MCUR1: variants seen among roughly 807,000 people sequenced by gnomAD.
The protein encoded by MCUR1 is mitochondrial calcium uniporter regulator 1, also known as MCU regulator 1.
MCUR1 carries 37 observed loss-of-function variants against 42.0 expected under a neutral mutation model. The ratio of observed to expected loss-of-function variants is 0.88; its 90% CI spans 0.68 to 1.16. The LOEUF (loss-of-function observed/expected upper bound fraction) is 1.16. Ranked by LOEUF, MCUR1 falls within the 50% of genes most tolerant of loss-of-function variation. The pLI is 0.00. For synonymous variants in MCUR1, 229 were observed against 196.2 expected, an observed-to-expected ratio of 1.17 and a Z score of -1.40; for missense variants, 469 against 468.4, an observed-to-expected ratio of 1.00 and a Z score of -0.01.
rs1488149826 is a variant in MCUR1 at position 13,814,402 on chromosome 6, T to C, written c.28A>G (p.Arg10Gly). Reference sequence around the variant, plus strand: ...TGGCGGCCGGGCAGGCGCTGGGTCCTCTGGCCGCCGACCGAGCCGCAGTCC... The same window carrying C: ...TGGCGGCCGGGCAGGCGCTGGGTCCCCTGGCCGCCGACCGAGCCGCAGTCC... Reference protein sequence around the residue: MDCGSVGGQRTQRLPGRQRL... With the variant: MDCGSVGGQGTQRLPGRQRL... Residue 10 changes from arginine to glycine, a missense_variant, in exon 1 of 9, where the codon AGG (arginine) becomes GGG (glycine). By Grantham distance (125) the Arg-to-Gly change is moderately radical (BLOSUM62 -2). Coordinates refer to ENST00000379170, the MANE Select transcript of MCUR1 (RefSeq NM_001031713.4). 7.8e-6 allele frequency: 12 copies of C among 1,538,238 alleles called. No individual in the cohort carries two copies. The highest frequency in any genetic ancestry group is 1.0e-5 in the Non-Finnish European group (12 of 1,152,994).
At chr6:13,800,690 A>C (rs1234745910) in intron 4 of MCUR1, among the ~76,000 whole-genome samples, 4 of 152,226 alleles carry the variant, frequency 2.6e-5, no homozygotes, top group Non-Finnish European at 5.9e-5. Context: ...TTTCAAGAAC[A>C]ACCTAGAGAG....
chr6:13,791,031 C>G (rs1488353195), intron 8 of MCUR1, among the ~76,000 whole-genome samples, 167 bp from the exon 9 acceptor site: 2 of 152,102 alleles, frequency 1.3e-5, no homozygotes, highest in African/African-American at 2.4e-5. Context: ...ATCCCACACC[C>G]TTTATTTTAT....
intron 8 of MCUR1, among the ~76,000 whole-genome samples, chr6:13,791,508 T>TA (rs1759727696): frequency 6.6e-6 from 1 of 152,178 alleles, no homozygotes; most frequent in South Asian, 2.1e-4. Context: ...AATAACTCCT[T>TA]AAAAGGAGTT....
Position 13,801,344 on chromosome 6 carries a change from T to C in MCUR1, c.685A>G (p.Lys229Glu), listed in dbSNP as rs1759984389. 1 of 1,613,124 alleles carries C rather than the reference T, an allele frequency of 6.2e-7. No individual in the cohort carries two copies. Among genetic ancestry groups the C allele is most frequent in the East Asian group, 2.2e-5 (1 of 44,860 alleles). The change falls in exon 4 of 9, where the codon AAG (lysine) becomes GAG (glutamate). Residue 229 changes from lysine to glutamate, a missense_variant. By Grantham distance (56) the Lys-to-Glu change is moderately conservative (BLOSUM62 1). Transcript: ENST00000379170. The stretch of plus-strand genomic sequence containing the variant: ...CTCTTCTCCAAAATAATCATATCCT[T>C]TTTCACATTCGCAATCTGAGACATT... ...QVMSQIANVK[K>E]DMIILEKSEF... is the part of the protein sequence containing the mutation.
chr6:13,812,088 A>T (rs1760248604), intron 1 of MCUR1, among the ~76,000 whole-genome samples: 2 of 152,160 alleles, frequency 1.3e-5, no homozygotes, highest in Admixed American at 6.6e-5. Flanking sequence ...AAGCGAGCCA[A>T]CTGAGCTGTG....
chr6:13,791,894 A>G lies in MCUR1; in HGVS notation c.1008T>C (p.Asn336=), dbSNP rs995029707. 6.2e-7 allele frequency: 1 copy of G among 1,612,028 alleles called. No homozygotes were observed. The highest frequency in any genetic ancestry group is 1.7e-4 in the Middle Eastern group (1 of 6,058). The change falls in exon 8 of 9, where the codon AAT becomes AAC. Residue 336 remains asparagine, a synonymous_variant. Transcript: ENST00000379170. ...ATAGCTTACCTGCTAAATATTTAAT[A>G]TTATCAAGCTTGTGTGACTCAAGCA... The part of the protein sequence containing the change: ...KTMLESHKLD[N]IKYLAGSIFT...
At chr6:13,811,593 G>C (rs889783514) in intron 1 of MCUR1, among the ~76,000 whole-genome samples, 2 of 152,066 alleles carry the variant, frequency 1.3e-5, no homozygotes, top group African/African-American at 2.4e-5. Flanking sequence ...GGGAGTGAAG[G>C]AATGAAAGCA....
intron 2 of MCUR1, chr6:13,804,075 C>G (rs1156632908): frequency 1.2e-6 from 1 of 867,822 alleles, no homozygotes; most frequent in African/African-American, 1.8e-5. Flanking sequence ...AATCCCAGCA[C>G]TTTAGGAGGC....
At chr6:13,803,837 A>G (rs921278173) in intron 2 of MCUR1, 1 of 985,228 alleles carries the variant, frequency 1.0e-6, no homozygotes, top group Non-Finnish European at 1.2e-6. Flanking sequence ...AAGTTTTATT[A>G]AGAAGAGTTC....
chr6:13,794,000 CCTT>C, intron 6 of MCUR1, 53 bp from the exon 7 acceptor site: 1 of 1,536,190 alleles, frequency 6.5e-7, no homozygotes, highest in Non-Finnish European at 9.0e-7. Context: ...TCTCTCTTCT[CCTT>C]CTCTGGTGCC....
Position 13,807,030 on chromosome 6 carries a change from C to G in MCUR1, c.430G>C (p.Ala144Pro). 6.2e-7 allele frequency: 1 copy of G among 1,611,998 alleles called. No individual in the cohort carries two copies. Among genetic ancestry groups the G allele is most frequent in the Non-Finnish European group, 8.5e-7 (1 of 1,178,764 alleles). The change falls in exon 2 of 9, where the codon GCT (alanine) becomes CCT (proline). Residue 144 changes from alanine (A) to proline (P), a missense_variant. Transcript: ENST00000379170. ...TTGCGCTCCAGCTGCAGGGATCCAGCAGACAAGCTTAGCTCTAGGGTGGAA... is the reference window on the plus strand; with the variant it reads ...TTGCGCTCCAGCTGCAGGGATCCAGGAGACAAGCTTAGCTCTAGGGTGGAA... ...VSCRRELSLS[A>P]GSLQLERKRR...
chr6:13,800,229 A>G, intron 5 of MCUR1, 112 bp downstream of exon 5: 1 of 732,912 alleles, frequency 1.4e-6, no homozygotes, highest in South Asian at 1.9e-5. Context: ...GGCATATTAC[A>G]CAAACATTTC....
At chr6:13,796,208 A>G (rs1561730498) in intron 6 of MCUR1, among the ~76,000 whole-genome samples, 1 of 152,132 alleles carries the variant, frequency 6.6e-6, no homozygotes, top group Non-Finnish European at 1.5e-5. Flanking sequence ...TTATAAGAAC[A>G]CTGAATGAAT....
At position 13,790,756 on chromosome 6, in the gene MCUR1, A is replaced by T; in HGVS notation, c.*53T>A. The T allele has an allele frequency of 2.1e-6, 3 of 1,459,090 alleles. No individual in the cohort carries two copies. Among genetic ancestry groups the T allele is most frequent in the Non-Finnish European group, 2.9e-6 (3 of 1,048,094 alleles). 90.4% of individuals were successfully genotyped at this position (1,459,090 alleles called of 1,614,324 possible). On this transcript the variant is annotated 3_prime_UTR_variant, in exon 9 of 9. Coordinates refer to ENST00000379170, the MANE Select transcript of MCUR1 (RefSeq NM_001031713.4). ...GTGTGAGCCACCGCACCCAGCCAAC[A>T]ATCTGGTATTCTTAAGGCAAAACAG...
At chr6:13,807,470 G>A (rs747050330) in intron 1 of MCUR1, among the ~76,000 whole-genome samples, 7 of 152,150 alleles carry the variant, frequency 4.6e-5, no homozygotes, top group East Asian at 1.9e-4. Flanking sequence ...AGGGTCATCC[G>A]TGTTGTAGCA....
intron 2 of MCUR1, chr6:13,803,871 G>A (rs1397847770): frequency 9.1e-6 from 9 of 984,942 alleles, no homozygotes; most frequent in Admixed American, 6.2e-5. Context: ...GGTGGCTCAC[G>A]CCTGTAATCC....
chr6:13,803,013 AG>A (rs1473067922), intron 2 of MCUR1, among the ~76,000 whole-genome samples: 9 of 152,212 alleles, frequency 5.9e-5, no homozygotes, highest in African/African-American at 1.9e-4. Flanking sequence ...GTTCTTTGGT[AG>A]TCAATAAATG....
chr6:13,807,139 G>C, intron 1 of MCUR1, 95 bp from the exon 2 acceptor site: 1 of 1,349,430 alleles, frequency 7.4e-7, no homozygotes, highest in Non-Finnish European at 1.0e-6. Flanking sequence ...CAAAGCCTTC[G>C]TGGTACTTTA....
intron 6 of MCUR1, among the ~76,000 whole-genome samples, chr6:13,798,390 G>T (rs1030472605): frequency 2.6e-5 from 4 of 152,012 alleles, no homozygotes; most frequent in Admixed American, 2.0e-4. Flanking sequence ...GTGAGCTACC[G>T]CGCCCGGCCA....
Sources: allele counts gnomAD v4.1 joint callset (sites outside exome capture counted in the v4.1 genomes callset), GRCh38; gene constraint gnomAD v4.1.1; transcripts MANE v1.5; gene names NCBI Gene and HGNC (gene_info 2026-07-23, HGNC 2026-07-21).